Variants in CLPB observed in about 807,000 individuals in gnomAD.
The protein encoded by CLPB is mitochondrial disaggregase.
Under a neutral mutation model 78.4 loss-of-function variants are expected in CLPB, and 40 were observed. The ratio of observed to expected loss-of-function variants is 0.51; its 90% CI spans 0.40 to 0.66. CLPB has a LOEUF of 0.66. Ranked by LOEUF, CLPB falls within the 30% of genes least tolerant of loss-of-function variation. The pLI, the probability that CLPB is intolerant of heterozygous loss-of-function variation, is 0.00. For missense variants in CLPB, 780 were observed against 886.9 expected, an observed-to-expected ratio of 0.88 and a Z score of 1.53; for synonymous variants, 333 against 348.0, an observed-to-expected ratio of 0.96 and a Z score of 0.48.
chr11:72,372,756 G>A (rs1951066893), intron 4 of CLPB, among the ~76,000 whole-genome samples: 1 of 152,180 alleles, frequency 6.6e-6, no homozygotes, highest in Non-Finnish European at 1.5e-5. Context: ...TCTCATCTGA[G>A]TTTTTGCTCT....
intron 2 of CLPB, among the ~76,000 whole-genome samples, chr11:72,418,694 A>C (rs1009758434): frequency 6.6e-6 from 1 of 152,044 alleles, no homozygotes; most frequent in African/African-American, 2.4e-5. Flanking sequence ...GTCTCTACTA[A>C]AAATACAAAA....
At chr11:72,310,421 G>A (rs1334406790) in intron 7 of CLPB, among the ~76,000 whole-genome samples, 1 of 152,190 alleles carries the variant, frequency 6.6e-6, no homozygotes, top group Non-Finnish European at 1.5e-5. Context: ...CTGGCTATAA[G>A]GGGAACCCAC....
chr11:72,317,277 CA>C, intron 6 of CLPB, 57 bp from the exon 7 acceptor site: 1 of 1,291,886 alleles, frequency 7.7e-7, no homozygotes, highest in South Asian at 1.3e-5. Context: ...ACCATAGCTT[CA>C]CTCTATCCCC....
At chr11:72,345,794 C>A (rs1950502062) in intron 5 of CLPB, among the ~76,000 whole-genome samples, 1 of 152,058 alleles carries the variant, frequency 6.6e-6, no homozygotes, top group Non-Finnish European at 1.5e-5. Flanking sequence ...AGAAAAGAAC[C>A]CTAGTAACTT....
intron 4 of CLPB, among the ~76,000 whole-genome samples, chr11:72,372,520 G>A (rs1218747314): frequency 6.6e-6 from 1 of 152,178 alleles, no homozygotes; most frequent in Admixed American, 6.5e-5. Context: ...CTCTGGTAGG[G>A]AGGTGAAGGC....
intron 2 of CLPB, among the ~76,000 whole-genome samples, chr11:72,417,978 C>A (rs1316780284): frequency 1.3e-5 from 2 of 152,192 alleles, no homozygotes; most frequent in East Asian, 3.9e-4. Context: ...ACAGGCTTCG[C>A]AGGAGGCCTG....
At chr11:72,294,302 A>AC (rs1337107259) in intron 14 of CLPB, 23 bp downstream of exon 14, 2 of 1,606,198 alleles carry the variant, frequency 1.2e-6, no homozygotes, top group African/African-American at 2.7e-5. Flanking sequence ...TCCCGCCCCC[A>AC]CCCATGGGCA....
rs1220599790 is a variant in CLPB at position 72,290,193 on chromosome 11, G to GA, written c.*3173dup. 6.6e-6 allele frequency: 1 copy of GA among 152,198 alleles called. No homozygotes were observed. The highest frequency in any genetic ancestry group is 1.5e-5 in the Non-Finnish European group (1 of 68,034). The allele number at this position is 152,198 out of a possible 1,614,324, so 9.4% of individuals were successfully genotyped here. On this transcript the variant is annotated 3_prime_UTR_variant, in exon 16 of 16. Transcript: ENST00000538039. ...AAGCCTGAAACATCTTGTGGTGCCA[G>GA]AAAATGCTTAAAAAGTGACAGGGGC...
chr11:72,294,827 C>T (rs983345970), intron 12 of CLPB, 134 bp from the exon 13 acceptor site: 1 of 743,840 alleles, frequency 1.3e-6, no homozygotes, highest in South Asian at 1.6e-5. Context: ...GTCTAAGGCT[C>T]TCTGGGCTTC....
chr11:72,363,491 T>C (rs959983482), intron 4 of CLPB: 3 of 152,214 alleles, frequency 2.0e-5, no homozygotes, highest in African/African-American at 4.8e-5. Context: ...CCTTTAAAGA[T>C]GTGAACATGT....
chr11:72,346,637 G>C (rs971555827), intron 5 of CLPB, among the ~76,000 whole-genome samples: 3 of 151,176 alleles, frequency 2.0e-5, no homozygotes, highest in South Asian at 2.1e-4. Context: ...ATGAGGCAAT[G>C]ATAGCCCCAA....
At chr11:72,382,727 A>G (rs1854954117) in intron 3 of CLPB, among the ~76,000 whole-genome samples, 1 of 152,184 alleles carries the variant, frequency 6.6e-6, no homozygotes, top group Admixed American at 6.5e-5. Context: ...TTTCTCAGGC[A>G]AAGCCAATCT....
intron 3 of CLPB, among the ~76,000 whole-genome samples, chr11:72,387,595 A>G (rs1855116198): frequency 6.6e-6 from 1 of 152,012 alleles, no homozygotes; most frequent in African/African-American, 2.4e-5. Context: ...TACCAGAATA[A>G]TGGAGATAAT....
intron 5 of CLPB, chr11:72,353,147 G>C (rs1950644082): frequency 6.6e-6 from 1 of 152,272 alleles, no homozygotes; most frequent in African/African-American, 2.4e-5. Context: ...TGTTAAAGGG[G>C]ATGGCACCAC....
At chr11:72,310,718 C>T (rs762276513) in intron 7 of CLPB, among the ~76,000 whole-genome samples, 13 of 152,294 alleles carry the variant, frequency 8.5e-5, no homozygotes, top group South Asian at 4.1e-4. Flanking sequence ...TGAGTTCAAG[C>T]TTCATGGGGT....
intron 2 of CLPB, among the ~76,000 whole-genome samples, chr11:72,416,346 G>T (rs914612389): frequency 2.0e-5 from 3 of 152,094 alleles, no homozygotes; most frequent in Non-Finnish European, 4.4e-5. Context: ...TTACCAGACC[G>T]CAAGTTCCTT....
At chr11:72,400,096 T>C (rs1855517920) in intron 3 of CLPB, among the ~76,000 whole-genome samples, 1 of 152,222 alleles carries the variant, frequency 6.6e-6, no homozygotes, top group Non-Finnish European at 1.5e-5. Context: ...TTGTTTATTG[T>C]CTATCCACAT....
At position 72,293,390 on chromosome 11, in the gene CLPB, C is replaced by A. The variant is rs199561571; in HGVS notation, c.2011G>T (p.Glu671Ter). 5.0e-6 allele frequency: 8 copies of A among 1,614,062 alleles called. No individual in the cohort carries two copies. The East Asian group carries it at 1.8e-4, about 36-fold the overall frequency. Reference sequence around the variant, plus strand: ...TGCTAGATGGTGTTGCACACCTTCTCAGGGTGCAGTGGTGCCCGGATGTCC... The same window carrying A: ...TGCTAGATGGTGTTGCACACCTTCTAAGGGTGCAGTGGTGCCCGGATGTCC... ...RLDIRAPLHP[E>*]KVCNTI Residue 671 changes from glutamate (E) to a stop codon, truncating the protein, a stop_gained, in exon 16 of 16, where the codon GAG becomes TAG. Transcript: ENST00000538039. LOFTEE classifies it high-confidence loss of function.
intron 3 of CLPB, among the ~76,000 whole-genome samples, chr11:72,395,229 G>C (rs1454446182): frequency 6.6e-6 from 1 of 152,180 alleles, no homozygotes; most frequent in Non-Finnish European, 1.5e-5. Flanking sequence ...CTGAGAACAA[G>C]GAGAGTGGCT....
Sources: gnomAD v4.1 joint callset for allele counts (sites outside exome capture counted in the v4.1 genomes callset) on GRCh38, gnomAD v4.1.1 for gene constraint, MANE v1.5 for transcripts, NCBI Gene and HGNC (gene_info 2026-07-23, HGNC 2026-07-21) for gene names.